The following VIT variants were observed in gnomAD, a reference collection of about 807,000 sequenced individuals.
VIT encodes vitrin.
A neutral mutation model predicts 78.0 loss-of-function variants in VIT; 99 were observed. That is an observed-to-expected ratio of 1.27 (90% CI 1.08 to 1.50). VIT has a LOEUF of 1.50. Ranked by LOEUF, VIT falls within the 40% of genes most tolerant of loss-of-function variation. VIT has a pLI of 0.00. For synonymous variants in VIT, 374 were observed against 334.3 expected (o/e 1.12, Z -1.29); for missense variants, 1,126 against 875.3 (o/e 1.29, Z -3.61).
intron 4 of VIT, among the ~76,000 whole-genome samples, chr2:36,752,612 G>T (rs972094333): frequency 6.6e-6 from 1 of 152,160 alleles, no homozygotes; most frequent in African/African-American, 2.4e-5. Flanking sequence ...ATGGCTCTGA[G>T]CCCCCATCTG....
intron 3 of VIT, among the ~76,000 whole-genome samples, chr2:36,734,264 C>T (rs1002329433): frequency 6.6e-6 from 1 of 152,168 alleles, no homozygotes; most frequent in Non-Finnish European, 1.5e-5. Flanking sequence ...CCCTTTAGTG[C>T]CCTCTAACCT....
intron 15 of VIT, among the ~76,000 whole-genome samples, chr2:36,813,028 A>G (rs1194671395): frequency 2.5e-5 from 2 of 81,306 alleles, no homozygotes; most frequent in African/African-American, 8.9e-5. Context: ...CCCCTGGCTA[A>G]TTTTTTGCAA....
chr2:36,724,271 G>A (rs1468837388), intron 2 of VIT, among the ~76,000 whole-genome samples: 1 of 152,150 alleles, frequency 6.6e-6, no homozygotes, highest in Non-Finnish European at 1.5e-5. Context: ...TTGCTGAGAA[G>A]CATTGCTGCA....
Position 36,814,254 on chromosome 2 carries a change from G to A in VIT, c.1975G>A (p.Ala659Thr), listed in dbSNP as rs750426305. The change falls in exon 16 of 16, where the codon GCC becomes ACC. Residue 659 changes from alanine to threonine, a missense_variant. Physicochemically the swap from Ala to Thr is moderately conservative, Grantham distance 58. Transcript: ENST00000379242. ...EELEVIATHP[A>T]RDHSFFVDEF... ...GCTAGAAGTCATTGCCACTCACCCC[G>A]CCAGAGACCACTCCTTCTTTGTGGA... is the stretch of plus-strand genomic sequence containing the variant. 1.7e-5 allele frequency: 28 copies of A among 1,614,052 alleles called. No homozygotes were observed. The highest frequency in any genetic ancestry group is 1.7e-5 in the Admixed American group (1 of 59,996).
chr2:36,759,334 T>G, intron 6 of VIT: 1 of 1,427,596 alleles, frequency 7.0e-7, no homozygotes, highest in South Asian at 1.5e-5. Context: ...TATTGTTGCT[T>G]TAGAAAATGA....
At chr2:36,800,280 G>C (rs1301817754) in intron 12 of VIT, among the ~76,000 whole-genome samples, 2 of 152,170 alleles carry the variant, frequency 1.3e-5, no homozygotes, top group Non-Finnish European at 2.9e-5. Context: ...GGGCGGCAGA[G>C]GTTACAGTGA....
intron 6 of VIT, among the ~76,000 whole-genome samples, chr2:36,764,911 A>G (rs1669327833): frequency 6.6e-6 from 1 of 151,998 alleles, no homozygotes; most frequent in Non-Finnish European, 1.5e-5. Context: ...CCACCAAGAC[A>G]GAAGCACCTT....
intron 9 of VIT, among the ~76,000 whole-genome samples, chr2:36,777,348 C>CT (rs982625764): frequency 6.6e-6 from 1 of 151,830 alleles, no homozygotes; most frequent in Admixed American, 6.6e-5. Flanking sequence ...GACTTCATGT[C>CT]TTTTTTTATA....
At chr2:36,813,527 G>T (rs950619054) in intron 15 of VIT, among the ~76,000 whole-genome samples, 1 of 152,092 alleles carries the variant, frequency 6.6e-6, no homozygotes, top group Non-Finnish European at 1.5e-5. Context: ...AACAGTGTTG[G>T]ACACCCCTTT....
intron 6 of VIT, among the ~76,000 whole-genome samples, chr2:36,760,287 C>G (rs1225521862): frequency 6.6e-6 from 1 of 152,214 alleles, no homozygotes; most frequent in Non-Finnish European, 1.5e-5. Flanking sequence ...GCCACTGTTC[C>G]TGGCCCATTC....
At chr2:36,729,697 G>A (rs1667076999) in intron 3 of VIT, among the ~76,000 whole-genome samples, 1 of 152,154 alleles carries the variant, frequency 6.6e-6, no homozygotes, top group Non-Finnish European at 1.5e-5. Flanking sequence ...TAGGGTAAAG[G>A]ATATGTAGTT....
intron 12 of VIT, among the ~76,000 whole-genome samples, chr2:36,800,066 G>T (rs888724823): frequency 1.3e-5 from 2 of 149,088 alleles, no homozygotes; most frequent in African/African-American, 5.0e-5. Flanking sequence ...AAAAAAAATG[G>T]CCGGGCACGG....
intron 12 of VIT, among the ~76,000 whole-genome samples, chr2:36,795,241 C>A (rs542473489): frequency 6.6e-6 from 1 of 152,052 alleles, no homozygotes; most frequent in African/African-American, 2.4e-5. Context: ...ATTCCAGGAA[C>A]TTTTGCAGTC....
chr2:36,702,330 C>T (rs906926874), intron 1 of VIT, among the ~76,000 whole-genome samples: 1 of 152,124 alleles, frequency 6.6e-6, no homozygotes, highest in African/African-American at 2.4e-5. Context: ...CAGACACCGC[C>T]TACCGCTCAC....
rs193191365 is a variant in VIT at position 36,761,511 on chromosome 2, C to A, written c.487+2465C>A. Among the ~76,000 whole-genome samples the A allele has an allele frequency of 9.0e-3, 1,368 of 152,198 alleles. 13 individuals carry two copies. Among genetic ancestry groups the A allele is most frequent in the Non-Finnish European group, 0.012 (841 of 68,016 alleles). On this transcript the variant is annotated intron_variant, in intron 6 of 15. Coordinates refer to ENST00000379242, the MANE Select transcript of VIT (RefSeq NM_053276.4). Reference sequence around the variant, plus strand: ...ATCCCAGCACTTTGGGAGGCCGAGGCAGGCGGATCGCGAGGTCAGGAGATG... The same window carrying A: ...ATCCCAGCACTTTGGGAGGCCGAGGAAGGCGGATCGCGAGGTCAGGAGATG...
At position 36,801,304 on chromosome 2, in the gene VIT, C is replaced by G; in HGVS notation, c.1062C>G (p.Asp354Glu). ...ATTTCTTGTTCTGACTCTTCAGAGACAACCCTGCTACTCACTTTAACCTCA... is the reference window on the plus strand; with the variant it reads ...ATTTCTTGTTCTGACTCTTCAGAGAGAACCCTGCTACTCACTTTAACCTCA... Reference protein sequence around the residue: ...GPLMGVVQYGDNPATHFNLKT... With the variant: ...GPLMGVVQYGENPATHFNLKT... The change falls in exon 13 of 16, where the codon GAC (aspartate) becomes GAG (glutamate). Residue 354 changes from aspartate to glutamate, a missense_variant. Transcript: ENST00000379242. 3 of 1,613,862 alleles carry G rather than the reference C, an allele frequency of 1.9e-6. No individual in the cohort carries two copies. The highest frequency in any genetic ancestry group is 2.5e-6 in the Non-Finnish European group (3 of 1,179,804).
chr2:36,716,564 T>C, intron 2 of VIT, 142 bp downstream of exon 2: 1 of 715,496 alleles, frequency 1.4e-6, no homozygotes, highest in East Asian at 2.7e-5. Flanking sequence ...TTTGAAGAGA[T>C]GTTTTAAGTA....
At chr2:36,701,419 C>T (rs1665050630) in intron 1 of VIT, among the ~76,000 whole-genome samples, 1 of 152,172 alleles carries the variant, frequency 6.6e-6, no homozygotes, top group African/African-American at 2.4e-5. Flanking sequence ...TTCCTTATGA[C>T]TCAAACTACT....
chr2:36,813,431 A>G (rs1458280664), intron 15 of VIT, among the ~76,000 whole-genome samples: 1 of 152,166 alleles, frequency 6.6e-6, no homozygotes, highest in African/African-American at 2.4e-5. Flanking sequence ...TCTGGGTGAC[A>G]GAGTGAGATT....
Sources: gnomAD v4.1 joint callset for allele counts (sites outside exome capture counted in the v4.1 genomes callset) on GRCh38, gnomAD v4.1.1 for gene constraint, MANE v1.5 for transcripts, NCBI Gene and HGNC (gene_info 2026-07-23, HGNC 2026-07-21) for gene names.